Variants in COMMD8 observed in about 807,000 individuals in gnomAD.
The protein encoded by COMMD8 is COMM domain containing 8, also known as COMM domain-containing protein 8.
A neutral mutation model predicts 27.2 loss-of-function variants in COMMD8; 28 were observed. That is an observed-to-expected ratio of 1.03 (90% confidence interval 0.76 to 1.41). The LOEUF (loss-of-function observed/expected upper bound fraction) is 1.41. COMMD8 is among the 40% of genes most tolerant of loss of function. The pLI is 0.00. For missense variants in COMMD8, 217 were observed against 211.2 expected, an observed-to-expected ratio of 1.03 and a Z score of -0.17; for synonymous variants, 79 against 75.5, an observed-to-expected ratio of 1.05 and a Z score of -0.24.
At chr4:47,452,927 C>T (rs1729788581) in intron 4 of COMMD8, 132 bp downstream of exon 4, 5 of 651,472 alleles carry the variant, frequency 7.7e-6, no homozygotes, top group Admixed American at 5.5e-5. Context: ...ACTCGGGAGG[C>T]GGAGGTTGCA....
chr4:47,462,328 G>C (rs542435002), intron 1 of COMMD8, among the ~76,000 whole-genome samples: 4 of 152,178 alleles, frequency 2.6e-5, no homozygotes, highest in East Asian at 3.9e-4. Flanking sequence ...ATGTGAAAAG[G>C]GGGGGCCATG....
chr4:47,461,400 T>G (rs1326198161), intron 1 of COMMD8, among the ~76,000 whole-genome samples: 2 of 152,182 alleles, frequency 1.3e-5, no homozygotes, highest in Non-Finnish European at 2.9e-5. Context: ...CACAAGCAAC[T>G]GCTTCCAAAT....
At chr4:47,456,263 T>TATAC (rs1339477164) in intron 3 of COMMD8, among the ~76,000 whole-genome samples, 4 of 81,662 alleles carry the variant, frequency 4.9e-5, no homozygotes, top group Middle Eastern at 5.4e-3. Context: ...ATAAATAAAT[T>TATAC]ATACATATAT....
intron 1 of COMMD8, among the ~76,000 whole-genome samples, chr4:47,461,019 T>A (rs1452667190): frequency 6.6e-6 from 1 of 152,220 alleles, no homozygotes; most frequent in East Asian, 1.9e-4. Context: ...ATGTTCTGAG[T>A]CTGCTTCCTC....
At position 47,456,298 on chromosome 4, in the gene COMMD8, A is replaced by ATATATATG. The variant is rs1430343028; in HGVS notation, c.375+278_375+279insCATATATA. Among the ~76,000 whole-genome samples the ATATATATG allele has an allele frequency of 1.7e-3, 217 of 131,056 alleles. 1 individual carries two copies. Among genetic ancestry groups the ATATATATG allele is most frequent in the African/African-American group, 5.8e-3 (198 of 34,036 alleles). The allele number at this position is 131,056 out of a possible 152,430, so 86.0% of individuals were successfully genotyped here. A position where few individuals can be genotyped will look rare whatever the true frequency, so the allele number is the denominator to read the frequency against. ...TATATATATATATATATATATATAT[A>ATATATATG]TATGTATATGTTGACTATATGCTGC... On this transcript the variant is annotated intron_variant, in intron 3 of 4. Coordinates refer to ENST00000381571, the MANE Select transcript of COMMD8 (RefSeq NM_017845.5).
In COMMD8 at chr4:47,452,953, G is replaced by A. The variant is rs535940689; in HGVS notation, c.531+106C>T. The A allele has an allele frequency of 4.9e-5, 46 of 934,352 alleles. No individual in the cohort carries two copies. The highest frequency in any genetic ancestry group is 6.1e-5 in the Non-Finnish European group (38 of 624,880). 57.9% of individuals were successfully genotyped at this position (934,352 alleles called of 1,614,324 possible). A position where few individuals can be genotyped will look rare whatever the true frequency, so the allele number is the denominator to read the frequency against. On this transcript the variant is annotated intron_variant, in intron 4 of 4. Coordinates refer to ENST00000381571, the MANE Select transcript of COMMD8 (RefSeq NM_017845.5). ...GGAGGTTGCAGTGAGCCGAGTTCGC[G>A]CCGTTGCCCCTCCAGCCTGGGTGAC...
At chr4:47,460,369 A>C in intron 1 of COMMD8, 70 bp from the exon 2 acceptor site, 1 of 1,331,234 alleles carries the variant, frequency 7.5e-7, no homozygotes, top group Non-Finnish European at 1.1e-6. Flanking sequence ...TCCTCTTAAC[A>C]AACAAATGTT....
chr4:47,463,442 G>A (rs1029268167), intron 1 of COMMD8, 144 bp downstream of exon 1: 6 of 764,342 alleles, frequency 7.8e-6, no homozygotes, highest in Middle Eastern at 3.9e-4. Context: ...GGAAGGCGGG[G>A]ACCAACCACC....
chr4:47,460,146 C>T lies in COMMD8; in HGVS notation c.220G>A (p.Glu74Lys), dbSNP rs550666373. The T allele has an allele frequency of 5.0e-6, 8 of 1,612,048 alleles. No individual in the cohort carries two copies. In the South Asian group the frequency reaches 7.7e-5, roughly 16 times the overall value. Residue 74 changes from glutamate (E) to lysine (K), a missense_variant and splice_region_variant, in exon 2 of 5, where the codon GAG (glutamate) becomes AAG (lysine). Coordinates refer to ENST00000381571, the MANE Select transcript of COMMD8 (RefSeq NM_017845.5). ...AIVGKNLPDEEIFQQLNQLNS... is the reference protein window; with the variant it reads ...AIVGKNLPDEKIFQQLNQLNS... The stretch of plus-strand genomic sequence containing the variant: ...ATAGAAATGTGCAGAGAAGTTACCT[C>T]TTCATCAGGTAAGTTTTTACCAACT...
chr4:47,454,048 A>G (rs1165844311), intron 3 of COMMD8, among the ~76,000 whole-genome samples: 1 of 152,172 alleles, frequency 6.6e-6, no homozygotes, highest in Non-Finnish European at 1.5e-5. Context: ...CAGGACCCAT[A>G]ATATCTCAGA....
At chr4:47,453,347 T>C in intron 3 of COMMD8, 133 bp from the exon 4 acceptor site, 2 of 647,382 alleles carry the variant, frequency 3.1e-6, no homozygotes, top group Non-Finnish European at 5.1e-6. Flanking sequence ...GTGAAAGAAA[T>C]AAATTAAGTC....
intron 2 of COMMD8, among the ~76,000 whole-genome samples, chr4:47,457,900 C>A (rs1729933845): frequency 6.8e-6 from 1 of 147,910 alleles, no homozygotes; most frequent in African/African-American, 2.5e-5. Flanking sequence ...AAATCCTAAA[C>A]AAAATATTGG....
intron 4 of COMMD8, among the ~76,000 whole-genome samples, chr4:47,452,695 A>G (rs1729782685): frequency 6.6e-6 from 1 of 152,220 alleles, no homozygotes. Context: ...AGGAGTATCA[A>G]TCAAAACTTA....
Position 47,451,342 on chromosome 4 carries a change from C to T in COMMD8, c.*303G>A. 3.1e-6 allele frequency: 1 copy of T among 317,758 alleles called. No individual in the cohort carries two copies. The highest frequency in any genetic ancestry group is 5.8e-6 in the Non-Finnish European group (1 of 173,304). The allele number at this position is 317,758 out of a possible 1,614,324, so 19.7% of individuals were successfully genotyped here. A position where few individuals can be genotyped will look rare whatever the true frequency, so the allele number is the denominator to read the frequency against. ...ACATTACTTTAGAACCTATTTTTAG[C>T]TTTCAATAAAACTATGTATCTCCAA... On this transcript the variant is annotated 3_prime_UTR_variant, in exon 5 of 5. Transcript: ENST00000381571.
intron 2 of COMMD8, among the ~76,000 whole-genome samples, chr4:47,459,154 T>A (rs890249867): frequency 6.6e-6 from 1 of 152,064 alleles, no homozygotes; most frequent in African/African-American, 2.4e-5. Flanking sequence ...ACAAAGTAGA[T>A]CTGTTAAATT....
intron 1 of COMMD8, 66 bp from the exon 2 acceptor site, chr4:47,460,365 TAACA>T: frequency 7.3e-7 from 1 of 1,365,390 alleles, no homozygotes; most frequent in Non-Finnish European, 1.0e-6. Flanking sequence ...ATCTTCCTCT[TAACA>T]AACAAATGTT....
Position 47,463,669 on chromosome 4 carries a change from G to C in COMMD8, c.-18C>G. On this transcript the variant is annotated 5_prime_UTR_variant, in exon 1 of 5. Coordinates refer to ENST00000381571, the MANE Select transcript of COMMD8 (RefSeq NM_017845.5). ...GGCTCCATCCCTGCGCGAAGCTGGG[G>C]CTTGGGTCACGTGTCAAGGCTGGCC... The C allele has an allele frequency of 3.9e-6, 6 of 1,545,298 alleles. No individual in the cohort carries two copies. The highest frequency in any genetic ancestry group is 5.2e-6 in the Non-Finnish European group (6 of 1,144,298).
At chr4:47,462,510 GTTTGGGGTT>G (rs1730085995) in intron 1 of COMMD8, among the ~76,000 whole-genome samples, 1 of 152,158 alleles carries the variant, frequency 6.6e-6, no homozygotes, top group Admixed American at 6.5e-5. Flanking sequence ...AGAGATTTTG[GTTTGGGGTT>G]TTTGGGGTTT....
At chr4:47,455,170 C>T (rs1179874496) in intron 3 of COMMD8, among the ~76,000 whole-genome samples, 1 of 151,926 alleles carries the variant, frequency 6.6e-6, no homozygotes, top group African/African-American at 2.4e-5. Context: ...CACACCACAA[C>T]ACCCAGCTAA....
Sources: allele counts gnomAD v4.1 joint callset (sites outside exome capture counted in the v4.1 genomes callset), GRCh38; gene constraint gnomAD v4.1.1; transcripts MANE v1.5; gene names NCBI Gene and HGNC (gene_info 2026-07-23, HGNC 2026-07-21).